N4BP2L1: variants seen among roughly 807,000 people sequenced by gnomAD.
N4BP2L1 encodes NEDD4-binding protein 2-like 1.
In N4BP2L1, 12 loss-of-function variants were observed where a neutral mutation model predicts 21.2. The ratio of observed to expected loss-of-function variants is 0.57; its 90% CI spans 0.36 to 0.92. The LOEUF is 0.92. Among genes scored for constraint, N4BP2L1 ranks in the 40% least tolerant of loss-of-function variants. The probability of loss-of-function intolerance (pLI) is 0.01; values close to 1 mark genes in which losing one functional copy is unlikely to be tolerated. For missense variants in N4BP2L1, 259 were observed against 310.6 expected, an observed-to-expected ratio of 0.83 and a Z score of 1.25; for synonymous variants, 104 against 112.8, an observed-to-expected ratio of 0.92 and a Z score of 0.49.
chr13:32,423,706 C>T (rs550142382), intron 1 of N4BP2L1, among the ~76,000 whole-genome samples: 13 of 152,284 alleles, frequency 8.5e-5, no homozygotes, highest in South Asian at 2.1e-4. Context: ...ATATGATCCA[C>T]TTACATGAAG....
upstream of N4BP2L1, among the ~76,000 whole-genome samples, chr13:32,429,397 C>T (rs2074934420): frequency 6.6e-6 from 1 of 152,236 alleles, no homozygotes; most frequent in Non-Finnish European, 1.5e-5. Flanking sequence ...TTTCAAAGAC[C>T]TCTAAATATT....
chr13:32,405,972 A>G (rs368339814), intron 3 of N4BP2L1, among the ~76,000 whole-genome samples: 85 of 131,732 alleles, frequency 6.5e-4, no homozygotes, highest in African/African-American at 2.5e-3. Context: ...GCACGATCTC[A>G]GCTCACTGCA....
chr13:32,408,205 C>T (rs1388444294), intron 1 of N4BP2L1, among the ~76,000 whole-genome samples: 1 of 152,190 alleles, frequency 6.6e-6, no homozygotes, highest in Non-Finnish European at 1.5e-5. Flanking sequence ...GCCCTTCCCT[C>T]GGCCCCCTAA....
rs1362793389 is a variant in N4BP2L1 at position 32,402,047 on chromosome 13, C to T, written c.*895G>A. On this transcript the variant is annotated 3_prime_UTR_variant, in exon 5 of 5. Coordinates refer to ENST00000380130, the MANE Select transcript of N4BP2L1 (RefSeq NM_052818.3). ...ATGGCTTTTATATATCCCTGTATGA[C>T]CTATATCCTGGGGTGCCTAATTTCT... is the stretch of plus-strand genomic sequence containing the variant. The T allele has an allele frequency of 2.3e-5, 23 of 985,280 alleles. No homozygotes were observed. Among genetic ancestry groups the T allele is most frequent in the Non-Finnish European group, 2.8e-5 (23 of 829,922 alleles). 61.0% of individuals were successfully genotyped at this position (985,280 alleles called of 1,614,324 possible).
chr13:32,422,670 T>C (rs1392481145), intron 1 of N4BP2L1, among the ~76,000 whole-genome samples: 1 of 152,164 alleles, frequency 6.6e-6, no homozygotes, highest in Non-Finnish European at 1.5e-5. Context: ...GCCTCTCCAA[T>C]GAGCAAGAAC....
At chr13:32,412,608 A>G (rs627926) in intron 1 of N4BP2L1, among the ~76,000 whole-genome samples, 126,318 of 150,254 alleles carry the variant, frequency 0.84, 53,328 homozygotes, top group African/African-American at 0.91. Context: ...GCTCCAGCCT[A>G]GGTGACAGAG....
chr13:32,421,665 T>C (rs1470479435), intron 1 of N4BP2L1, among the ~76,000 whole-genome samples: 1 of 152,212 alleles, frequency 6.6e-6, no homozygotes. Context: ...AACCATGTGC[T>C]GGCTTTTCTT....
intron 3 of N4BP2L1, among the ~76,000 whole-genome samples, chr13:32,405,140 A>G (rs1353168048): frequency 6.6e-6 from 1 of 152,164 alleles, no homozygotes; most frequent in Non-Finnish European, 1.5e-5. Context: ...AAATAACACA[A>G]CCGGAAACCT....
At position 32,401,851 on chromosome 13, in the gene N4BP2L1, C is replaced by T. The variant is rs764182629; in HGVS notation, c.*1091G>A. 1.5e-4 allele frequency: 129 copies of T among 847,852 alleles called. No homozygotes were observed. The highest frequency in any genetic ancestry group is 1.7e-4 in the Non-Finnish European group (122 of 704,100). 52.5% of individuals were successfully genotyped at this position (847,852 alleles called of 1,614,324 possible). ...GTTGGCCAACAAGAAATAGAGCATA[C>T]GTCCTCTGTGGTCTTGTCTATCATG... On this transcript the variant is annotated 3_prime_UTR_variant, in exon 5 of 5. Coordinates refer to ENST00000380130, the MANE Select transcript of N4BP2L1 (RefSeq NM_052818.3).
chr13:32,428,071 A>G lies in N4BP2L1; in HGVS notation c.12T>C (p.Ser4=). 1 of 1,482,374 alleles carries G rather than the reference A, an allele frequency of 6.7e-7. No individual in the cohort carries two copies. The highest frequency in any genetic ancestry group is 1.4e-5 in the South Asian group (1 of 73,672). The allele number at this position is 1,482,374 out of a possible 1,614,324, so 91.8% of individuals were successfully genotyped here. The part of the protein sequence containing the change: MED[S]FLQSFGRLSL... ...TCAGCCTCCCAAAAGATTGAAGGAA[A>G]CTGTCCTCCATGGGCAGGAGGGCTG... Residue 4 remains serine, a synonymous_variant, in exon 1 of 5, where the codon AGT becomes AGC. Transcript: ENST00000380130.
chr13:32,418,897 C>T (rs1425280178), intron 1 of N4BP2L1, among the ~76,000 whole-genome samples: 3 of 152,130 alleles, frequency 2.0e-5, no homozygotes, highest in African/African-American at 7.2e-5. Flanking sequence ...ATGCCTGTAC[C>T]CCCATTGTAT....
rs185658382 is a variant in N4BP2L1, at chr13:32,424,612, G to A, written c.179+3292C>T. Among the ~76,000 whole-genome samples, 767 of 152,316 alleles carry A rather than the reference G, an allele frequency of 5.0e-3. 4 individuals are homozygous for A. Among genetic ancestry groups the A allele is most frequent in the Non-Finnish European group, 7.7e-3 (521 of 68,016 alleles). ...CCCAAAGTGCTGGGATTACAGGCAT[G>A]AGCCACCGCTCCACCCTCCAATTAT... On this transcript the variant is annotated intron_variant, in intron 1 of 4. Transcript: ENST00000380130.
intron 1 of N4BP2L1, among the ~76,000 whole-genome samples, chr13:32,422,570 T>G (rs989968659): frequency 3.9e-5 from 6 of 152,222 alleles, no homozygotes; most frequent in Non-Finnish European, 8.8e-5. Context: ...ATTGCCCCAG[T>G]TCAGCAGGGT....
chr13:32,428,820 C>T (rs1290226858), upstream of N4BP2L1, among the ~76,000 whole-genome samples: 1 of 152,254 alleles, frequency 6.6e-6, no homozygotes, highest in Non-Finnish European at 1.5e-5. Flanking sequence ...TCTTGGAGAA[C>T]TCTTTCAGAT....
At chr13:32,409,656 G>T (rs2073735069) in intron 1 of N4BP2L1, among the ~76,000 whole-genome samples, 1 of 152,188 alleles carries the variant, frequency 6.6e-6, no homozygotes, top group African/African-American at 2.4e-5. Flanking sequence ...AGCTGGCCCA[G>T]CAAAGCGCTG....
Position 32,403,217 on chromosome 13 carries a change from T to C in N4BP2L1, c.474-17A>G. 1 of 1,575,026 alleles carries C rather than the reference T, an allele frequency of 6.3e-7. No individual in the cohort carries two copies. The highest frequency in any genetic ancestry group is 8.6e-7 in the Non-Finnish European group (1 of 1,160,550). The stretch of plus-strand genomic sequence containing the variant: ...ATGTTTCTTCTACATGGAAAAAAAA[T>C]GCATTTAGTTAAGGCAGGATACCAC... On this transcript the variant is annotated splice_polypyrimidine_tract_variant and intron_variant, in intron 4 of 4. Coordinates refer to ENST00000380130, the MANE Select transcript of N4BP2L1 (RefSeq NM_052818.3).
intron 2 of N4BP2L1, 68 bp from the exon 3 acceptor site, chr13:32,407,406 A>G (rs777048357): frequency 6.8e-6 from 11 of 1,611,368 alleles, no homozygotes; most frequent in Non-Finnish European, 3.4e-6. Flanking sequence ...CGTAATCTCT[A>G]TTCGTCATTT....
upstream of N4BP2L1, chr13:32,428,197 TGGGA>T: frequency 9.0e-7 from 1 of 1,106,670 alleles, no homozygotes; most frequent in Non-Finnish European, 1.2e-6. Flanking sequence ...GGGCGGGCGC[TGGGA>T]GCCCAGCCCC....
In N4BP2L1 at chr13:32,424,106, A is replaced by C. The variant is rs182261106; in HGVS notation, c.179+3798T>G. 1.2e-4 allele frequency among the ~76,000 whole-genome samples: 18 copies of C among 152,298 alleles called. No individual in the cohort carries two copies. In the East Asian group the frequency reaches 3.3e-3, roughly 28 times the overall value. ...CTGAGAATGAAAGGGTCTTGGCATT[A>C]GAATCTTATTTCTTCTGACAACAGC... On this transcript the variant is annotated intron_variant, in intron 1 of 4. Coordinates refer to ENST00000380130, the MANE Select transcript of N4BP2L1 (RefSeq NM_052818.3).
Sources: gnomAD v4.1 joint callset for allele counts (sites outside exome capture counted in the v4.1 genomes callset) on GRCh38, gnomAD v4.1.1 for gene constraint, MANE v1.5 for transcripts, NCBI Gene and HGNC (gene_info 2026-07-23, HGNC 2026-07-21) for gene names.